The following ASCC3 variants were observed in gnomAD, a reference collection of about 807,000 sequenced individuals.
The protein encoded by ASCC3 is ASC-1 complex subunit P200.
In ASCC3, 158 loss-of-function variants were observed where a neutral mutation model predicts 256.3. The observed-to-expected ratio is 0.62, with a 90% CI of 0.54 to 0.70. ASCC3 has a LOEUF of 0.70. ASCC3 is among the 30% of genes least tolerant of loss of function. The pLI is 0.00. For synonymous variants in ASCC3, 948 were observed against 883.4 expected (o/e 1.07, Z -1.30); for missense variants, 2,259 against 2,626.0 (o/e 0.86, Z 3.05).
At chr6:100,548,071 G>A (rs1437154011) in intron 36 of ASCC3, among the ~76,000 whole-genome samples, 1 of 151,560 alleles carries the variant, frequency 6.6e-6, no homozygotes, top group Non-Finnish European at 1.5e-5. Flanking sequence ...CATACACTAG[G>A]ATTTCATTTA....
chr6:100,674,263 T>C (rs940201026), intron 14 of ASCC3, among the ~76,000 whole-genome samples: 2 of 152,154 alleles, frequency 1.3e-5, no homozygotes, highest in Admixed American at 1.3e-4. Flanking sequence ...GATGAATATA[T>C]ATTACATAAT....
At chr6:100,840,459 C>G (rs1772085456) in intron 4 of ASCC3, among the ~76,000 whole-genome samples, 1 of 145,250 alleles carries the variant, frequency 6.9e-6, no homozygotes, top group South Asian at 2.2e-4. Context: ...TCCCAAGTAG[C>G]TGGGACTATA....
At chr6:100,587,300 T>TAA (rs78769945) in intron 36 of ASCC3, among the ~76,000 whole-genome samples, 49 of 138,014 alleles carry the variant, frequency 3.6e-4, no homozygotes, top group African/African-American at 1.1e-3. Context: ...CTTTTCATGG[T>TAA]AAAAAAAAAA....
intron 36 of ASCC3, among the ~76,000 whole-genome samples, chr6:100,570,397 T>C (rs528519075): frequency 6.6e-6 from 1 of 152,320 alleles, no homozygotes; most frequent in East Asian, 1.9e-4. Flanking sequence ...CTGTTCAGCA[T>C]GATGTTGGCT....
At chr6:100,724,678 GGA>G (rs1779541016) in intron 11 of ASCC3, among the ~76,000 whole-genome samples, 1 of 151,860 alleles carries the variant, frequency 6.6e-6, no homozygotes, top group African/African-American at 2.4e-5. Flanking sequence ...GTTAGGGAGA[GGA>G]GGGAAAAGGA....
intron 30 of ASCC3, among the ~76,000 whole-genome samples, chr6:100,608,395 TACC>T (rs372686867): frequency 0.019 from 714 of 38,310 alleles, 16 homozygotes; most frequent in Middle Eastern, 0.05. Context: ...TATATATGTA[TACC>T]TTATATATAT....
At chr6:100,636,709 T>C (rs192539539) in intron 25 of ASCC3, among the ~76,000 whole-genome samples, 24 of 152,294 alleles carry the variant, frequency 1.6e-4, no homozygotes, top group South Asian at 8.3e-4. Flanking sequence ...TGCTACTTCA[T>C]TGAACACATG....
chr6:100,561,243 A>T (rs1460996165), intron 36 of ASCC3, among the ~76,000 whole-genome samples: 1 of 152,120 alleles, frequency 6.6e-6, no homozygotes, highest in Non-Finnish European at 1.5e-5. Context: ...TAATGTGCTG[A>T]TGTTTATAAT....
chr6:100,848,548 G>C lies in ASCC3; in HGVS notation c.401C>G (p.Thr134Ser), dbSNP rs1772502066. 3 of 1,614,106 alleles carry C rather than the reference G, an allele frequency of 1.9e-6. No homozygotes were observed. The East Asian group carries it at 6.7e-5, about 36-fold the overall frequency. ...SSSATAACNA[T>S]NRIISHFSQD... ...ACTAAAATGAGAAATAATTCGATTA[G>C]TAGCATTACAAGCTGCAGTGGCAGA... The change falls in exon 4 of 42, where the codon ACT (threonine) becomes AGT (serine). Residue 134 changes from threonine to serine, a missense_variant. This residue lies in a region of ASCC3 where 420 missense variants were observed against 419.3 expected (regional missense o/e 1.00). Transcript: ENST00000369162.
chr6:100,651,093 G>T (rs1300291303), intron 19 of ASCC3, among the ~76,000 whole-genome samples: 3 of 151,596 alleles, frequency 2.0e-5, no homozygotes, highest in Non-Finnish European at 4.4e-5. Context: ...ATCTTCAAAT[G>T]CATTCATTAT....
intron 24 of ASCC3, among the ~76,000 whole-genome samples, chr6:100,641,301 G>A (rs995579260): frequency 6.6e-6 from 1 of 152,108 alleles, no homozygotes; most frequent in African/African-American, 2.4e-5. Flanking sequence ...TAATGTTAGG[G>A]CAGAGGGATA....
chr6:100,688,336 T>C (rs1582699940), intron 13 of ASCC3, among the ~76,000 whole-genome samples: 1 of 152,158 alleles, frequency 6.6e-6, no homozygotes, highest in South Asian at 2.1e-4. Context: ...AGAAAGCATT[T>C]AGATATGTAT....
chr6:100,541,589 T>TA (rs1272794685), intron 36 of ASCC3, among the ~76,000 whole-genome samples: 1 of 152,030 alleles, frequency 6.6e-6, no homozygotes, highest in Admixed American at 6.6e-5. Context: ...AAGCAACACC[T>TA]AAAAGGATCA....
intron 10 of ASCC3, among the ~76,000 whole-genome samples, chr6:100,729,054 T>C (rs938429301): frequency 2.0e-5 from 3 of 152,270 alleles, no homozygotes; most frequent in African/African-American, 7.2e-5. Flanking sequence ...GATATATTTA[T>C]GACTAAGACA....
rs138920017 is a variant in ASCC3 at position 100,585,612 on chromosome 6, G to A, written c.5550+4022C>T. Among the ~76,000 whole-genome samples the A allele has an allele frequency of 3.9e-3, 596 of 152,234 alleles. 4 individuals are homozygous for A. Among genetic ancestry groups the A allele is most frequent in the African/African-American group, 0.014 (561 of 41,528 alleles). ...GTCATTCTCCCTCCAGCTTTGTTCC[G>A]TTGCTGGTGAGGAACTGTGTTCCTT... is the stretch of plus-strand genomic sequence containing the variant. On this transcript the variant is annotated intron_variant, in intron 36 of 41. Coordinates refer to ENST00000369162, the MANE Select transcript of ASCC3 (RefSeq NM_006828.4).
intron 25 of ASCC3, among the ~76,000 whole-genome samples, chr6:100,633,744 C>A (rs1582602519): frequency 6.6e-6 from 1 of 151,396 alleles, no homozygotes; most frequent in Non-Finnish European, 1.5e-5. Context: ...CGTGGTGGCT[C>A]ATGCCTGTAA....
intron 37 of ASCC3, among the ~76,000 whole-genome samples, chr6:100,528,490 A>G (rs926888284): frequency 6.6e-6 from 1 of 152,232 alleles, no homozygotes; most frequent in African/African-American, 2.4e-5. Flanking sequence ...CTACTAGAAC[A>G]CTGTGACATT....
chr6:100,683,984 T>G (rs1440534578), intron 13 of ASCC3, among the ~76,000 whole-genome samples: 1 of 152,040 alleles, frequency 6.6e-6, no homozygotes, highest in African/African-American at 2.4e-5. Flanking sequence ...TAAATTTGAG[T>G]TCTGGTCCTG....
At chr6:100,601,700 T>C in intron 34 of ASCC3, 110 bp downstream of exon 34, 5 of 1,257,302 alleles carry the variant, frequency 4.0e-6, no homozygotes, top group Non-Finnish European at 5.6e-6. Flanking sequence ...ATACCTAGAA[T>C]CTCCAAAGTT....
Sources: gnomAD v4.1 joint callset for allele counts (sites outside exome capture counted in the v4.1 genomes callset) on GRCh38, gnomAD v4.1.1 for gene constraint, gnomAD v4.1.1 regional missense constraint, MANE v1.5 for transcripts, NCBI Gene and HGNC (gene_info 2026-07-23, HGNC 2026-07-21) for gene names.